Variants in SP4 observed in about 807,000 individuals in gnomAD.
SP4 encodes the protein Sp4 transcription factor, also known as transcription factor Sp4.
Under a neutral mutation model 72.8 loss-of-function variants are expected in SP4, and 19 were observed. The observed-to-expected ratio is 0.26, with a 90% CI of 0.18 to 0.38. SP4 has a LOEUF of 0.38. SP4 is among the 10% of genes least tolerant of loss of function. SP4 has a pLI of 1.00. For synonymous variants in SP4, 395 were observed against 333.1 expected, an observed-to-expected ratio of 1.19 and a Z score of -2.02; for missense variants, 1,008 against 926.3, an observed-to-expected ratio of 1.09 and a Z score of -1.14.
chr7:21,456,572 T>C (rs2128400384), intron 3 of SP4, among the ~76,000 whole-genome samples: 1 of 152,228 alleles, frequency 6.6e-6, no homozygotes, highest in South Asian at 2.1e-4. Flanking sequence ...AGAAGTCAGG[T>C]GGCATGCAAA....
rs1188497546 is a variant in SP4, at chr7:21,428,216, G to A, written c.-36G>A. 2.6e-6 allele frequency: 2 copies of A among 765,932 alleles called. No individual in the cohort carries two copies. Among genetic ancestry groups the A allele is most frequent in the South Asian group, 3.1e-5 (2 of 64,368 alleles). 47.4% of individuals were successfully genotyped at this position (765,932 alleles called of 1,614,324 possible). A position where few individuals can be genotyped will look rare whatever the true frequency, so the allele number is the denominator to read the frequency against. ...CCCACCCCCACCCACCTCTATCCCA[G>A]TGTCTCCGTCTGAGGGTTTGTCCTG... On this transcript the variant is annotated 5_prime_UTR_variant, in exon 1 of 6. It adds an upstream start codon to the 5' untranslated region. Coordinates refer to ENST00000222584, the MANE Select transcript of SP4 (RefSeq NM_003112.5).
intron 5 of SP4, among the ~76,000 whole-genome samples, chr7:21,491,006 T>C (rs547514981): frequency 7.2e-5 from 11 of 152,280 alleles, no homozygotes; most frequent in African/African-American, 2.2e-4. Flanking sequence ...ATGTCCGGGA[T>C]ACAGTCCAAA....
chr7:21,428,202 CCA>C lies in SP4; in HGVS notation c.-48_-47del. ...CCTCCCGCCTCGCCCCCACCCCCACCCACCTCTATCCCAGTGTCTCCGTCTGA... is the reference window on the plus strand; with the variant it reads ...CCTCCCGCCTCGCCCCCACCCCCACCCCTCTATCCCAGTGTCTCCGTCTGA... On this transcript the variant is annotated 5_prime_UTR_variant, in exon 1 of 6. Transcript: ENST00000222584. 8.3e-7 allele frequency: 1 copy of C among 1,206,792 alleles called. No individual in the cohort carries two copies. Among genetic ancestry groups the C allele is most frequent in the Non-Finnish European group, 1.2e-6 (1 of 846,186 alleles). 74.8% of individuals were successfully genotyped at this position (1,206,792 alleles called of 1,614,324 possible). A position where few individuals can be genotyped will look rare whatever the true frequency, so the allele number is the denominator to read the frequency against.
chr7:21,456,511 A>C (rs1045483584), intron 3 of SP4, among the ~76,000 whole-genome samples: 4 of 152,226 alleles, frequency 2.6e-5, no homozygotes, highest in Non-Finnish European at 4.4e-5. Context: ...GTCTGCTGCC[A>C]AGCACACAGC....
chr7:21,494,034 GA>G (rs1057307394), intron 5 of SP4, among the ~76,000 whole-genome samples: 2 of 151,824 alleles, frequency 1.3e-5, no homozygotes, highest in Non-Finnish European at 2.9e-5. Flanking sequence ...AATGACAAAA[GA>G]AAAAAAATCA....
intron 3 of SP4, among the ~76,000 whole-genome samples, chr7:21,464,521 CT>C (rs1391236603): frequency 1.3e-5 from 2 of 151,956 alleles, no homozygotes; most frequent in African/African-American, 2.4e-5. Flanking sequence ...TTTCCTAAAA[CT>C]GAGATCTGAT....
rs938001106 is a variant in SP4 at position 21,514,009 on chromosome 7, C to G, written c.*2740C>G. The stretch of plus-strand genomic sequence containing the variant: ...TGTGCAGTAGAGTCTTGTTTAATGG[C>G]ATTTCACTGTTCATTCCCTTTACCA... On this transcript the variant is annotated 3_prime_UTR_variant, in exon 6 of 6. Transcript: ENST00000222584. 3 of 152,564 alleles carry G rather than the reference C, an allele frequency of 2.0e-5. No individual in the cohort carries two copies. Among genetic ancestry groups the G allele is most frequent in the Non-Finnish European group, 2.9e-5 (2 of 68,000 alleles). 9.5% of individuals were successfully genotyped at this position (152,564 alleles called of 1,614,324 possible).
chr7:21,436,384 T>C (rs973050842), intron 3 of SP4, among the ~76,000 whole-genome samples: 1 of 152,200 alleles, frequency 6.6e-6, no homozygotes, highest in African/African-American at 2.4e-5. Flanking sequence ...GCATAGATCT[T>C]GTAGAAATAA....
chr7:21,444,015 C>G (rs1783343583), intron 3 of SP4, among the ~76,000 whole-genome samples: 1 of 152,060 alleles, frequency 6.6e-6, no homozygotes, highest in African/African-American at 2.4e-5. Flanking sequence ...TTTCTCTCAC[C>G]TGTTGTTGTT....
chr7:21,440,512 G>C (rs1319350670), intron 3 of SP4, among the ~76,000 whole-genome samples: 1 of 152,148 alleles, frequency 6.6e-6, no homozygotes, highest in Non-Finnish European at 1.5e-5. Context: ...GTGCAAGCAA[G>C]GGTGAGGTGA....
intron 3 of SP4, among the ~76,000 whole-genome samples, chr7:21,474,963 C>T (rs775222996): frequency 6.6e-6 from 1 of 152,162 alleles, no homozygotes; most frequent in Admixed American, 6.5e-5. Flanking sequence ...TTGACTTTGG[C>T]TGGGAGAGTC....
intron 5 of SP4, among the ~76,000 whole-genome samples, chr7:21,509,209 G>A (rs376717808): frequency 6.6e-6 from 1 of 152,072 alleles, no homozygotes; most frequent in Non-Finnish European, 1.5e-5. Flanking sequence ...TTAATTATAT[G>A]TAGGGGTATA....
intron 3 of SP4, 27 bp from the exon 4 acceptor site, chr7:21,477,052 A>G (rs765227805): frequency 2.1e-5 from 33 of 1,562,202 alleles, no homozygotes; most frequent in East Asian, 4.5e-5. Flanking sequence ...AAACATTACA[A>G]TACTTCTTTT....
intron 3 of SP4, among the ~76,000 whole-genome samples, chr7:21,465,862 C>CT (rs1030351850): frequency 4.6e-5 from 7 of 151,748 alleles, no homozygotes; most frequent in African/African-American, 1.7e-4. Context: ...GACCCTGTCT[C>CT]TTAAAAAAAA....
At chr7:21,464,338 C>T (rs972511108) in intron 3 of SP4, among the ~76,000 whole-genome samples, 13 of 151,882 alleles carry the variant, frequency 8.6e-5, no homozygotes, top group South Asian at 2.1e-4. Context: ...CCTCATGATC[C>T]GCCCACCTCG....
At chr7:21,466,500 C>T (rs1199089081) in intron 3 of SP4, among the ~76,000 whole-genome samples, 1 of 152,168 alleles carries the variant, frequency 6.6e-6, no homozygotes, top group Non-Finnish European at 1.5e-5. Flanking sequence ...AATCAGAACT[C>T]AGAAACAGGT....
chr7:21,500,622 A>G (rs1781839638), intron 5 of SP4, among the ~76,000 whole-genome samples: 1 of 152,138 alleles, frequency 6.6e-6, no homozygotes, highest in Admixed American at 6.5e-5. Context: ...GCCAGCTGGC[A>G]GTTGGGAGCC....
At chr7:21,479,705 A>G (rs1784621510) in intron 4 of SP4, among the ~76,000 whole-genome samples, 1 of 152,228 alleles carries the variant, frequency 6.6e-6, no homozygotes, top group South Asian at 2.1e-4. Context: ...TTGAATCTGT[A>G]GATCACTTTG....
chr7:21,457,665 T>C (rs1783808536), intron 3 of SP4, among the ~76,000 whole-genome samples: 1 of 152,172 alleles, frequency 6.6e-6, no homozygotes, highest in African/African-American at 2.4e-5. Context: ...ATTGAGTTTT[T>C]CAAAGAAACC....
Sources: gnomAD v4.1 joint callset for allele counts (sites outside exome capture counted in the v4.1 genomes callset) on GRCh38, gnomAD v4.1.1 for gene constraint, MANE v1.5 for transcripts, NCBI Gene and HGNC (gene_info 2026-07-23, HGNC 2026-07-21) for gene names.